Variants in ZBTB2 observed in about 807,000 individuals in gnomAD.
ZBTB2 encodes the protein zinc finger and BTB domain-containing protein 2.
A neutral mutation model predicts 39.5 loss-of-function variants in ZBTB2; 2 were observed. The observed-to-expected ratio is 0.05, with a 90% CI of 0.02 to 0.16. The LOEUF (loss-of-function observed/expected upper bound fraction) is 0.16, where lower values mean the gene tolerates loss of function less well. ZBTB2 is among the 10% of genes least tolerant of loss of function. ZBTB2 has a pLI of 1.00. For synonymous variants in ZBTB2, 251 were observed against 256.6 expected (o/e 0.98, Z 0.21); for missense variants, 391 against 653.0 (o/e 0.60, Z 4.37).
Position 151,365,595 on chromosome 6 carries a change from A to T in ZBTB2, c.1471T>A (p.Ser491Thr). ...GGGTGGTCAGGCTCCGTTACTTCCG[A>T]GTCCCCACTGCCCAGGAGAATGGAT... Reference protein sequence around the residue: ...GRSILLGSGDSEVTEPDHPVL... With the variant: ...GRSILLGSGDTEVTEPDHPVL... Residue 491 changes from serine to threonine, a missense_variant, in exon 3 of 3, where the codon TCG (serine) becomes ACG (threonine). Around this residue, in one of 7 missense-constraint regions of ZBTB2, gnomAD observed 49 missense variants for 55.6 expected, o/e 0.88. Transcript: ENST00000325144. The surrounding 1 kb of genome is among the most constrained non-coding windows in gnomAD (Gnocchi z 5.6). 6.2e-7 allele frequency: 1 copy of T among 1,614,222 alleles called. No homozygotes were observed. The highest frequency in any genetic ancestry group is 8.5e-7 in the Non-Finnish European group (1 of 1,180,050).
intron 1 of ZBTB2, among the ~76,000 whole-genome samples, chr6:151,377,730 AC>A (rs768321726): frequency 6.6e-6 from 1 of 151,644 alleles, no homozygotes; most frequent in Admixed American, 6.6e-5. Flanking sequence ...ATGGGGTTTC[AC>A]CATGTTGTTA....
At chr6:151,384,942 A>G (rs1420945722) in intron 1 of ZBTB2, among the ~76,000 whole-genome samples, 1 of 151,994 alleles carries the variant, frequency 6.6e-6, no homozygotes, top group Non-Finnish European at 1.5e-5. Flanking sequence ...AGCATTCCTA[A>G]AAGTTCTTAC....
chr6:151,371,034 T>C (rs183313369), intron 2 of ZBTB2, among the ~76,000 whole-genome samples: 32 of 152,326 alleles, frequency 2.1e-4, no homozygotes, highest in Admixed American at 5.2e-4. Context: ...AAGATTAAAA[T>C]TGCCTCCTTT....
chr6:151,371,304 A>C (rs951384228), intron 2 of ZBTB2, among the ~76,000 whole-genome samples: 2 of 152,234 alleles, frequency 1.3e-5, no homozygotes, highest in African/African-American at 4.8e-5. Flanking sequence ...CAAGAAACTT[A>C]CAAGTGAAGA....
chr6:151,365,743 C>A lies in ZBTB2; in HGVS notation c.1323G>T (p.Leu441=), dbSNP rs758323450. 2 of 1,614,164 alleles carry A rather than the reference C, an allele frequency of 1.2e-6. No individual in the cohort carries two copies. Among genetic ancestry groups the A allele is most frequent in the Admixed American group, 3.3e-5 (2 of 60,016 alleles). Residue 441 remains leucine (L), a synonymous_variant, in exon 3 of 3, where the codon CTG becomes CTT. Coordinates refer to ENST00000325144, the MANE Select transcript of ZBTB2 (RefSeq NM_020861.3). This position sits in a 1 kb window ranked among gnomAD's most constrained non-coding sequence, Gnocchi z 5.6. The part of the protein sequence containing the change: ...FEEGSQMDNM[L]VQTNKPYKCN... ...ATTTGTAGGGTTTGTTTGTTTGCACCAGCATGTTGTCCATCTGACTCCCTT... is the reference window on the plus strand; with the variant it reads ...ATTTGTAGGGTTTGTTTGTTTGCACAAGCATGTTGTCCATCTGACTCCCTT...
intron 1 of ZBTB2, among the ~76,000 whole-genome samples, chr6:151,378,306 C>T (rs1192637749): frequency 6.6e-6 from 1 of 151,988 alleles, no homozygotes; most frequent in African/African-American, 2.4e-5. Flanking sequence ...TATCTAAGCA[C>T]GAGATAGGAG....
At chr6:151,384,621 C>T (rs539033158) in intron 1 of ZBTB2, among the ~76,000 whole-genome samples, 1 of 152,112 alleles carries the variant, frequency 6.6e-6, no homozygotes, top group East Asian at 1.9e-4. Flanking sequence ...ATCTTGGTGC[C>T]CTCCAACAGG....
chr6:151,387,695 TA>T (rs1779191182), intron 1 of ZBTB2, among the ~76,000 whole-genome samples: 1 of 152,168 alleles, frequency 6.6e-6, no homozygotes, highest in African/African-American at 2.4e-5. Context: ...GCCAGATACA[TA>T]AAAGTATTTT....
At chr6:151,391,154 C>A (rs1779297497) in intron 1 of ZBTB2, among the ~76,000 whole-genome samples, 1 of 151,502 alleles carries the variant, frequency 6.6e-6, no homozygotes, top group African/African-American at 2.4e-5. Context: ...CGGCCAGAGC[C>A]CCGGCGCCAG....
chr6:151,373,870 A>AAAAAAAAAACAAAACAAAAC (rs1778843577), intron 1 of ZBTB2, among the ~76,000 whole-genome samples: 4 of 123,604 alleles, frequency 3.2e-5, no homozygotes, highest in African/African-American at 1.4e-4. Context: ...AAAAAAAAAA[A>AAAAAAAAAACAAAACAAAAC]AAAAAAACCA....
intron 1 of ZBTB2, among the ~76,000 whole-genome samples, chr6:151,381,850 ACAGTAT>A (rs1779041046): frequency 6.6e-6 from 1 of 152,220 alleles, no homozygotes; most frequent in African/African-American, 2.4e-5. Flanking sequence ...CAGAAATGAC[ACAGTAT>A]CAGTATTATC....
intron 1 of ZBTB2, among the ~76,000 whole-genome samples, chr6:151,390,480 A>G (rs1779265613): frequency 6.7e-6 from 1 of 148,780 alleles, no homozygotes. Context: ...GGAGTTTAAC[A>G]CAATGCCGAC....
intron 1 of ZBTB2, 67 bp from the exon 2 acceptor site, chr6:151,373,716 C>G: frequency 6.9e-7 from 1 of 1,441,510 alleles, no homozygotes; most frequent in Non-Finnish European, 9.5e-7. Flanking sequence ...TTTATAGTCA[C>G]CAACAGTCAT....
intron 2 of ZBTB2, chr6:151,370,017 C>G: frequency 1.3e-6 from 1 of 794,150 alleles, no homozygotes. Flanking sequence ...GCAGCTTGAC[C>G]TCTGTCAATC....
At chr6:151,388,946 T>C (rs56134963) in intron 1 of ZBTB2, among the ~76,000 whole-genome samples, 13,095 of 152,280 alleles carry the variant, frequency 0.086, 650 homozygotes, top group Middle Eastern at 0.18. Flanking sequence ...TACACTCCAC[T>C]GTAGTGTAGA....
intron 1 of ZBTB2, 94 bp from the exon 2 acceptor site, chr6:151,373,743 TCATCA>T: frequency 1.7e-6 from 2 of 1,169,368 alleles, no homozygotes; most frequent in Non-Finnish European, 2.4e-6. Context: ...AGCTAACATG[TCATCA>T]TAGCTAACGT....
intron 2 of ZBTB2, among the ~76,000 whole-genome samples, chr6:151,368,746 G>A (rs1157926090): frequency 6.0e-5 from 9 of 150,648 alleles, no homozygotes; most frequent in African/African-American, 9.8e-5. Context: ...GAGCTACTGC[G>A]CCTGGTCATT....
At position 151,366,817 on chromosome 6, in the gene ZBTB2, C is replaced by T. The variant is rs201248907; in HGVS notation, c.249G>A (p.Gly83=). The T allele has an allele frequency of 1.2e-5, 20 of 1,614,100 alleles. No homozygotes were observed. In the Admixed American group the frequency reaches 2.0e-4, roughly 16 times the overall value. The change falls in exon 3 of 3, where the codon GGG becomes GGA. Residue 83 remains glycine (G), a synonymous_variant. Transcript: ENST00000325144. The surrounding 1 kb of genome is among the most constrained non-coding windows in gnomAD (Gnocchi z 7.1). ...FSYLLHLMYT[G]KMAPQLIDPV... ...GGTCGATGAGCTGAGGCGCCATCTT[C>T]CCAGTGTACATCAAGTGTAAGAGAT...
intron 1 of ZBTB2, among the ~76,000 whole-genome samples, chr6:151,377,201 A>G (rs1778930185): frequency 6.6e-6 from 1 of 152,064 alleles, no homozygotes; most frequent in South Asian, 2.1e-4. Flanking sequence ...GAAGGGCAAC[A>G]TGAGGGATCC....
Sources: gnomAD v4.1 joint callset for allele counts (sites outside exome capture counted in the v4.1 genomes callset) on GRCh38, gnomAD v4.1.1 for gene constraint, gnomAD v4.1.1 regional missense constraint, Gnocchi (gnomAD v3.1) non-coding constraint, MANE v1.5 for transcripts, NCBI Gene and HGNC (gene_info 2026-07-23, HGNC 2026-07-21) for gene names.